The following CADM2 variants were observed in gnomAD, a reference collection of about 807,000 sequenced individuals.
CADM2 encodes the protein cell adhesion molecule 2.
In CADM2, 12 loss-of-function variants were observed where a neutral mutation model predicts 49.8. The ratio of observed to expected loss-of-function variants is 0.24; its 90% confidence interval spans 0.15 to 0.39. CADM2 has a LOEUF of 0.39. CADM2 is among the 10% of genes least tolerant of loss of function. The pLI is 1.00. For missense variants in CADM2, 378 were observed against 492.3 expected, an observed-to-expected ratio of 0.77 and a Z score of 2.20; for synonymous variants, 214 against 175.4, an observed-to-expected ratio of 1.22 and a Z score of -1.74.
In CADM2 at chr3:85,252,460, G is replaced by C. The variant is rs1278051521; in HGVS notation, c.61+292792G>C. ...AGGCATGATGTTTTAATTGTAAGTA[G>C]AGATTTTAAAAGGTGATAATTAAAA... On this transcript the variant is annotated intron_variant, in intron 1 of 9. Coordinates refer to ENST00000383699, the MANE Select transcript of CADM2 (RefSeq NM_001167675.2). Among the ~76,000 whole-genome samples the C allele has an allele frequency of 2.0e-4, 31 of 151,902 alleles. 1 individual carries two copies. The highest frequency in any genetic ancestry group is 2.0e-3 in the Admixed American group (31 of 15,214).
chr3:85,288,492 T>C (rs2106920373), intron 1 of CADM2, among the ~76,000 whole-genome samples: 1 of 152,242 alleles, frequency 6.6e-6, no homozygotes, highest in Admixed American at 6.5e-5. Context: ...TTTAAACTTA[T>C]TAAAATAATA....
intron 5 of CADM2, among the ~76,000 whole-genome samples, chr3:85,899,486 T>C (rs1715801272): frequency 6.6e-6 from 1 of 152,168 alleles, no homozygotes; most frequent in Non-Finnish European, 1.5e-5. Flanking sequence ...TATTTCCTCA[T>C]TGTAGACAGC....
At chr3:85,469,293 T>A (rs1459472648) in intron 1 of CADM2, among the ~76,000 whole-genome samples, 1 of 152,106 alleles carries the variant, frequency 6.6e-6, no homozygotes, top group Non-Finnish European at 1.5e-5. Flanking sequence ...TAATTTAAAA[T>A]CAAATGTCAC....
intron 5 of CADM2, among the ~76,000 whole-genome samples, chr3:85,904,398 T>G (rs1432707836): frequency 1.3e-5 from 2 of 152,154 alleles, no homozygotes; most frequent in Non-Finnish European, 2.9e-5. Flanking sequence ...AGCCTGCCTC[T>G]TCTGGAAAGG....
chr3:85,414,073 C>T (rs2035801069), intron 1 of CADM2, among the ~76,000 whole-genome samples: 1 of 152,220 alleles, frequency 6.6e-6, no homozygotes, highest in Non-Finnish European at 1.5e-5. Context: ...CCATGTTGGT[C>T]AGGCTGGTCT....
At chr3:85,315,296 G>C (rs144126678) in intron 1 of CADM2, among the ~76,000 whole-genome samples, 4 of 152,024 alleles carry the variant, frequency 2.6e-5, no homozygotes, top group African/African-American at 4.8e-5. Flanking sequence ...ATAGATTAAG[G>C]GTCCATCACA....
chr3:85,384,469 G>C (rs906797393), intron 1 of CADM2, among the ~76,000 whole-genome samples: 58 of 151,870 alleles, frequency 3.8e-4, no homozygotes, highest in African/African-American at 1.3e-3. Flanking sequence ...CCGCCACCAC[G>C]CCCGGCTAAT....
chr3:85,334,870 G>A (rs1040917571), intron 1 of CADM2, among the ~76,000 whole-genome samples: 2 of 151,256 alleles, frequency 1.3e-5, no homozygotes, highest in Non-Finnish European at 1.5e-5. Context: ...TTTATATTGA[G>A]AGTGAAAAAA....
At chr3:86,009,763 T>C (rs886245116) in intron 8 of CADM2, among the ~76,000 whole-genome samples, 4 of 151,824 alleles carry the variant, frequency 2.6e-5, no homozygotes, top group African/African-American at 9.7e-5. Context: ...TCTTGAACTT[T>C]TAAAAATTAT....
chr3:86,008,403 A>G (rs1162059128), intron 8 of CADM2, among the ~76,000 whole-genome samples: 1 of 148,910 alleles, frequency 6.7e-6, no homozygotes, highest in Non-Finnish European at 1.5e-5. Flanking sequence ...GAAAAAATAT[A>G]AGTCAGTTTA....
intron 3 of CADM2, among the ~76,000 whole-genome samples, chr3:85,874,067 C>T (rs369193064): frequency 1.5e-4 from 23 of 151,914 alleles, no homozygotes; most frequent in African/African-American, 5.1e-4. Flanking sequence ...CTTATGCCTA[C>T]GTTTTAAAAA....
At chr3:85,922,039 G>C (rs933869084) in intron 6 of CADM2, among the ~76,000 whole-genome samples, 2 of 151,970 alleles carry the variant, frequency 1.3e-5, no homozygotes, top group Admixed American at 6.6e-5. Flanking sequence ...CTTGAAGTTG[G>C]GTAGTGTCAG....
intron 1 of CADM2, among the ~76,000 whole-genome samples, chr3:85,632,785 A>T (rs2064352289): frequency 6.6e-6 from 1 of 151,986 alleles, no homozygotes; most frequent in Non-Finnish European, 1.5e-5. Context: ...TAGAAACAAA[A>T]CTTTTCTTTA....
At chr3:85,971,770 A>G (rs547961911) in intron 8 of CADM2, among the ~76,000 whole-genome samples, 1 of 151,796 alleles carries the variant, frequency 6.6e-6, no homozygotes, top group East Asian at 2.0e-4. Flanking sequence ...GGAATGTAAA[A>G]AAGTATTATA....
chr3:85,360,754 T>G (rs926383019), intron 1 of CADM2, among the ~76,000 whole-genome samples: 13 of 152,200 alleles, frequency 8.5e-5, no homozygotes, highest in African/African-American at 2.9e-4. Context: ...CCGAATCCTC[T>G]TTACATTTTA....
chr3:85,014,215 A>G (rs1216070078), intron 1 of CADM2, among the ~76,000 whole-genome samples: 2 of 149,556 alleles, frequency 1.3e-5, no homozygotes, highest in African/African-American at 2.4e-5. Context: ...GTAATAATGT[A>G]TATCATATAT....
intron 2 of CADM2, among the ~76,000 whole-genome samples, chr3:85,728,467 T>C (rs1488897151): frequency 6.6e-6 from 1 of 152,118 alleles, no homozygotes; most frequent in African/African-American, 2.4e-5. Flanking sequence ...ATATATTATG[T>C]AGAGATAATA....
intron 8 of CADM2, among the ~76,000 whole-genome samples, chr3:86,042,698 A>G (rs1736109523): frequency 1.3e-5 from 2 of 152,064 alleles, no homozygotes; most frequent in Non-Finnish European, 2.9e-5. Context: ...CAATCAATAG[A>G]AAAAGAGGGA....
At chr3:86,052,610 A>G (rs925355498) in intron 8 of CADM2, among the ~76,000 whole-genome samples, 3 of 152,102 alleles carry the variant, frequency 2.0e-5, no homozygotes, top group Non-Finnish European at 4.4e-5. Context: ...ACATATAATT[A>G]TACTTCATAT....
Sources: allele counts gnomAD v4.1 joint callset (sites outside exome capture counted in the v4.1 genomes callset), GRCh38; gene constraint gnomAD v4.1.1; transcripts MANE v1.5; gene names NCBI Gene and HGNC (gene_info 2026-07-23, HGNC 2026-07-21).